Variants in EPB41L3 observed in about 807,000 individuals in gnomAD.
EPB41L3 encodes erythrocyte membrane protein band 4.1 like 3.
A neutral mutation model predicts 127.1 loss-of-function variants in EPB41L3; 57 were observed. The observed-to-expected ratio is 0.45, with a 90% CI of 0.36 to 0.56. The LOEUF is 0.56. EPB41L3 is among the 20% of genes least tolerant of loss of function. The pLI, the probability that EPB41L3 is intolerant of heterozygous loss-of-function variation, is 0.00. For synonymous variants in EPB41L3, 572 were observed against 549.5 expected, an observed-to-expected ratio of 1.04 and a Z score of -0.57; for missense variants, 1,273 against 1,372.2, an observed-to-expected ratio of 0.93 and a Z score of 1.14.
intron 1 of EPB41L3, among the ~76,000 whole-genome samples, chr18:5,534,094 C>T (rs769090692): frequency 1.2e-4 from 18 of 152,046 alleles, no homozygotes; most frequent in Non-Finnish European, 2.2e-4. Context: ...ACCTGGGAGG[C>T]GGAGCTGGCA....
At chr18:5,400,290 C>T (rs2074293064) in intron 16 of EPB41L3, 1 of 280,040 alleles carries the variant, frequency 3.6e-6, no homozygotes, top group Admixed American at 4.8e-5. Context: ...AGGTTAATAG[C>T]TTCACAGATT....
intron 1 of EPB41L3, among the ~76,000 whole-genome samples, chr18:5,619,244 A>C (rs957678935): frequency 6.6e-6 from 1 of 152,200 alleles, no homozygotes; most frequent in African/African-American, 2.4e-5. Flanking sequence ...CACTCTGATT[A>C]GTTTTTTGTG....
chr18:5,609,003 C>T (rs2094695255), intron 3 of EPB41L3, among the ~76,000 whole-genome samples: 1 of 152,140 alleles, frequency 6.6e-6, no homozygotes, highest in Non-Finnish European at 1.5e-5. Flanking sequence ...ATCTTACAAA[C>T]ACCAATGCCA....
chr18:5,467,064 G>A (rs1438244518), intron 3 of EPB41L3, among the ~76,000 whole-genome samples: 3 of 152,102 alleles, frequency 2.0e-5, no homozygotes, highest in African/African-American at 7.2e-5. Context: ...GGAAGGTTAG[G>A]GTCCCCAGGT....
At chr18:5,511,410 TTTTTTTTTTTTTG>T in intron 1 of EPB41L3, among the ~76,000 whole-genome samples, 1 of 141,710 alleles carries the variant, frequency 7.1e-6, no homozygotes, top group South Asian at 2.4e-4. Context: ...TTTTTTTTTT[TTTTTTTTTTTTTG>T]TATGTAGACC....
intron 3 of EPB41L3, among the ~76,000 whole-genome samples, chr18:5,557,754 TA>T (rs1389987353): frequency 3.9e-5 from 6 of 152,310 alleles, no homozygotes; most frequent in African/African-American, 1.4e-4. Context: ...TGGAATCACT[TA>T]AAAAATTGCA....
At chr18:5,557,060 C>A (rs959153863) in intron 3 of EPB41L3, among the ~76,000 whole-genome samples, 4 of 152,236 alleles carry the variant, frequency 2.6e-5, no homozygotes, top group Admixed American at 6.5e-5. Flanking sequence ...CTTGGAGAAC[C>A]AGCCCATTTG....
At chr18:5,592,189 CAG>C (rs2094492164) in intron 3 of EPB41L3, among the ~76,000 whole-genome samples, 1 of 152,150 alleles carries the variant, frequency 6.6e-6, no homozygotes, top group African/African-American at 2.4e-5. Context: ...TCTTTTGAGA[CAG>C]AGTCTCGCTC....
At chr18:5,552,898 C>T (rs1161269620) in intron 3 of EPB41L3, among the ~76,000 whole-genome samples, 1 of 152,132 alleles carries the variant, frequency 6.6e-6, no homozygotes, top group East Asian at 1.9e-4. Context: ...CCTCTAAAGC[C>T]TCTAAGTAGA....
chr18:5,478,537 G>A, intron 2 of EPB41L3, 99 bp from the exon 3 acceptor site: 6 of 1,018,438 alleles, frequency 5.9e-6, no homozygotes, highest in Non-Finnish European at 7.4e-6. Context: ...TTTCATAGAG[G>A]AGAGGTATTG....
intron 3 of EPB41L3, among the ~76,000 whole-genome samples, chr18:5,575,345 G>A (rs1280671923): frequency 6.6e-6 from 1 of 152,068 alleles, no homozygotes; most frequent in African/African-American, 2.4e-5. Flanking sequence ...TCATGAGGGT[G>A]GATCCCTCAT....
intron 3 of EPB41L3, among the ~76,000 whole-genome samples, chr18:5,469,834 C>T (rs545501251): frequency 1.7e-4 from 26 of 149,290 alleles, no homozygotes; most frequent in Middle Eastern, 3.5e-3. Context: ...AGTGCACTGG[C>T]GCAATCTTGG....
At chr18:5,499,696 G>T (rs2091548134) in intron 1 of EPB41L3, among the ~76,000 whole-genome samples, 2 of 151,960 alleles carry the variant, frequency 1.3e-5, no homozygotes, top group African/African-American at 2.4e-5. Flanking sequence ...GAACCTGGGA[G>T]GCGGAGCTTG....
intron 16 of EPB41L3, chr18:5,398,927 G>A (rs867049576): frequency 2.5e-6 from 1 of 399,090 alleles, no homozygotes; most frequent in East Asian, 3.6e-5. Flanking sequence ...TGGGGGCCAG[G>A]GATTCGGACA....
rs767588326 is a variant in EPB41L3, at chr18:5,489,071, T to C, written c.113A>G (p.Lys38Arg). The change falls in exon 2 of 23, where the codon AAG becomes AGG. Residue 38 changes from lysine to arginine, a missense_variant. Physicochemically the swap from Lys to Arg is conservative, Grantham distance 26. This residue lies in a region of EPB41L3 where 182 missense variants were observed against 149.2 expected (regional missense o/e 1.22). Coordinates refer to ENST00000341928, the MANE Select transcript of EPB41L3 (RefSeq NM_012307.5). ...RAGAPVPEPP[K>R]EEQQQALEQF... The stretch of plus-strand genomic sequence containing the variant: ...CTCCAGGGCCTGCTGCTGCTCCTCC[T>C]TGGGCGGCTCCGGCACGGGCGCCCC... The C allele has an allele frequency of 4.4e-6, 7 of 1,595,498 alleles. No individual in the cohort carries two copies. The Admixed American group carries it at 6.8e-5, about 16-fold the overall frequency.
At chr18:5,564,543 G>A (rs1303254505) in intron 3 of EPB41L3, among the ~76,000 whole-genome samples, 1 of 152,172 alleles carries the variant, frequency 6.6e-6, no homozygotes, top group Non-Finnish European at 1.5e-5. Context: ...GTGGGTCACA[G>A]GGCAGATTTC....
chr18:5,495,594 C>T (rs1450651199), intron 1 of EPB41L3, among the ~76,000 whole-genome samples: 2 of 146,912 alleles, frequency 1.4e-5, no homozygotes, highest in Admixed American at 6.8e-5. Flanking sequence ...GGAAAGAACA[C>T]TTGTCTGATT....
At chr18:5,505,811 C>A (rs542419575) in intron 1 of EPB41L3, among the ~76,000 whole-genome samples, 1 of 131,458 alleles carries the variant, frequency 7.6e-6, no homozygotes, top group East Asian at 2.4e-4. Flanking sequence ...TCCACCCCTT[C>A]CCTCTACACC....
chr18:5,594,891 G>A (rs561076698), intron 3 of EPB41L3, among the ~76,000 whole-genome samples: 139 of 152,174 alleles, frequency 9.1e-4, no homozygotes, highest in African/African-American at 3.2e-3. Context: ...GGAAACATAC[G>A]GAAAATAAGG....
Sources: allele counts gnomAD v4.1 joint callset (sites outside exome capture counted in the v4.1 genomes callset), GRCh38; gene constraint gnomAD v4.1.1; regional missense constraint gnomAD v4.1.1; transcripts MANE v1.5; gene names NCBI Gene and HGNC (gene_info 2026-07-23, HGNC 2026-07-21).